The following HVCN1 variants were observed in gnomAD, a reference collection of about 807,000 sequenced individuals.
HVCN1 encodes the protein voltage-gated hydrogen channel 1.
In HVCN1, 14 loss-of-function variants were observed where a neutral mutation model predicts 29.2. The ratio of observed to expected loss-of-function variants is 0.48; its 90% confidence interval spans 0.32 to 0.75. The LOEUF (loss-of-function observed/expected upper bound fraction) is 0.75, where lower values mean the gene tolerates loss of function less well. Among genes scored for constraint, HVCN1 ranks in the 30% least tolerant of loss-of-function variants. The pLI is 0.04. For synonymous variants in HVCN1, 131 were observed against 133.2 expected, an observed-to-expected ratio of 0.98 and a Z score of 0.11; for missense variants, 263 against 341.8, an observed-to-expected ratio of 0.77 and a Z score of 1.82.
chr12:110,665,261 T>A (rs906283477), intron 3 of HVCN1, among the ~76,000 whole-genome samples: 2 of 152,130 alleles, frequency 1.3e-5, no homozygotes, highest in African/African-American at 4.8e-5. Flanking sequence ...AATCAGCTAA[T>A]AGAAGATTCA....
At position 110,684,846 on chromosome 12, in the gene HVCN1, C is replaced by T. The variant is rs141125339; in HGVS notation, c.-19-1582G>A. 6.6e-5 allele frequency among the ~76,000 whole-genome samples: 10 copies of T among 152,294 alleles called. No homozygotes were observed. The East Asian group carries it at 9.6e-4, about 15-fold the overall frequency. Reference sequence around the variant, plus strand: ...ACCCATTATCCTTCCCAGAAGTGGTCGCTCTGACCCTCTGACCAGTTTCCT... The same window carrying T: ...ACCCATTATCCTTCCCAGAAGTGGTTGCTCTGACCCTCTGACCAGTTTCCT... On this transcript the variant is annotated intron_variant, in intron 2 of 7. Transcript: ENST00000242607.
chr12:110,667,336 G>A (rs2068406031), intron 3 of HVCN1, among the ~76,000 whole-genome samples: 1 of 152,174 alleles, frequency 6.6e-6, no homozygotes, highest in Non-Finnish European at 1.5e-5. Context: ...GTTTCACCAT[G>A]TTGGCCAAGC....
In HVCN1 at chr12:110,678,439, C is replaced by CTTTT. The variant is rs538999674; in HGVS notation, c.21+4782_21+4785dup. 6.7e-4 allele frequency among the ~76,000 whole-genome samples: 44 copies of CTTTT among 65,824 alleles called. 1 individual carries two copies. The highest frequency in any genetic ancestry group is 9.9e-4 in the Non-Finnish European group (34 of 34,472). 43.2% of individuals were successfully genotyped at this position (65,824 alleles called of 152,430 possible). A position where few individuals can be genotyped will look rare whatever the true frequency, so the allele number is the denominator to read the frequency against. On this transcript the variant is annotated intron_variant, in intron 3 of 7. Transcript: ENST00000242607. ...TCTTATTTTCCATTTCATTCTATTT[C>CTTTT]TTTTTTTTTTTTTTTTTTTTTTTTT...
rs932986604 is a variant in HVCN1, at chr12:110,685,038, C to A, written c.-19-1774G>T. On this transcript the variant is annotated intron_variant, in intron 2 of 7. Transcript: ENST00000242607. ...AAAATAATGCTCCCCTTCAAAGATG[C>A]ACATACCCTAATCCTTGAACTTGTA... 2.6e-5 allele frequency among the ~76,000 whole-genome samples: 4 copies of A among 152,206 alleles called. No individual in the cohort carries two copies. The East Asian group carries it at 7.7e-4, about 29-fold the overall frequency.
intron 2 of HVCN1, among the ~76,000 whole-genome samples, chr12:110,696,335 G>A (rs1327489254): frequency 2.6e-5 from 4 of 152,136 alleles, no homozygotes; most frequent in Non-Finnish European, 4.4e-5. Context: ...TCAAGCATAC[G>A]GCTGGTGGCA....
chr12:110,683,015 G>T, intron 3 of HVCN1: 2 of 617,704 alleles, frequency 3.2e-6, no homozygotes, highest in South Asian at 1.9e-5. Context: ...ATACAGGGCT[G>T]GGATTCAAAT....
chr12:110,683,598 C>T lies in HVCN1; in HGVS notation c.-19-334G>A, dbSNP rs114757643. Among the ~76,000 whole-genome samples the T allele has an allele frequency of 7.0e-3, 1,067 of 152,160 alleles. 14 individuals are homozygous for T. The highest frequency in any genetic ancestry group is 0.024 in the African/African-American group (1,012 of 41,520). Reference sequence around the variant, plus strand: ...AAATGGGTCTGTCCACACAATGGAACGTTATTTGGCCATAAAAAGAAATGA... The same window carrying T: ...AAATGGGTCTGTCCACACAATGGAATGTTATTTGGCCATAAAAAGAAATGA... On this transcript the variant is annotated intron_variant, in intron 2 of 7. Transcript: ENST00000242607.
Position 110,658,372 on chromosome 12 carries a change from C to G in HVCN1, c.306+2792G>C, listed in dbSNP as rs1162768912. Among the ~76,000 whole-genome samples, 7 of 152,146 alleles carry G rather than the reference C, an allele frequency of 4.6e-5. No individual in the cohort carries two copies. The highest frequency in any genetic ancestry group is 1.4e-4 in the African/African-American group (6 of 41,420). ...TCACTGCTGCCACCAAGTCCCTCCA[C>G]AAATCTGATCTCCCACCCACACACT... is the stretch of plus-strand genomic sequence containing the variant. On this transcript the variant is annotated intron_variant, in intron 4 of 7. Transcript: ENST00000242607. The surrounding 1 kb of genome is among the most constrained non-coding windows in gnomAD (Gnocchi z 5.0).
chr12:110,699,978 A>T (rs2069547205), intron 2 of HVCN1, among the ~76,000 whole-genome samples: 1 of 152,162 alleles, frequency 6.6e-6, no homozygotes, highest in African/African-American at 2.4e-5. Context: ...CTGGTCCAAG[A>T]GGGCAGCATC....
chr12:110,657,768 G>A (rs2068038550), intron 4 of HVCN1, among the ~76,000 whole-genome samples: 1 of 152,130 alleles, frequency 6.6e-6, no homozygotes, highest in Non-Finnish European at 1.5e-5. Context: ...AGTTCACAGG[G>A]AGTGTTGCTT....
intron 3 of HVCN1, among the ~76,000 whole-genome samples, chr12:110,672,500 C>T (rs1018805672): frequency 2.6e-5 from 4 of 152,086 alleles, no homozygotes; most frequent in South Asian, 4.1e-4. Context: ...CCTCAATCTA[C>T]GATTATGGGA....
At chr12:110,678,671 C>T (rs1011090342) in intron 3 of HVCN1, among the ~76,000 whole-genome samples, 4 of 152,000 alleles carry the variant, frequency 2.6e-5, no homozygotes, top group African/African-American at 9.7e-5. Flanking sequence ...AGGCTGGTCT[C>T]AAACTCCTGA....
chr12:110,687,260 C>CG (rs1315001098), intron 2 of HVCN1, among the ~76,000 whole-genome samples: 2 of 125,092 alleles, frequency 1.6e-5, no homozygotes, highest in African/African-American at 3.0e-5. Flanking sequence ...AGACCACACC[C>CG]CCCCCCCCCA....
intron 6 of HVCN1, 148 bp from the exon 7 acceptor site, chr12:110,650,428 G>T: frequency 3.4e-6 from 2 of 583,722 alleles, no homozygotes; most frequent in Non-Finnish European, 3.1e-6. Context: ...GAACTGGGAG[G>T]TCAGGGTTTT....
At chr12:110,679,619 C>T (rs943490815) in intron 3 of HVCN1, among the ~76,000 whole-genome samples, 17 of 151,986 alleles carry the variant, frequency 1.1e-4, no homozygotes, top group Admixed American at 2.6e-4. Context: ...TTTGGGAGGC[C>T]GAGGCGGGTG....
At chr12:110,654,092 GA>G (rs2067905753) in intron 5 of HVCN1, among the ~76,000 whole-genome samples, 1 of 151,832 alleles carries the variant, frequency 6.6e-6, no homozygotes, top group African/African-American at 2.4e-5. Context: ...AAAGTTGAGA[GA>G]AAAAAAGACA....
At position 110,676,876 on chromosome 12, in the gene HVCN1, CT is replaced by C; in HGVS notation, c.21+6348del. ...AGGTCCTCCTAGTGAGTCACTGACA[CT>C]GGGCATAGGGTCTCGGGAACCCTGA... On this transcript the variant is annotated intron_variant, in intron 3 of 7. Transcript: ENST00000242607. The surrounding 1 kb of genome is among the most constrained non-coding windows in gnomAD (Gnocchi z 4.1). Among the ~76,000 whole-genome samples the C allele has an allele frequency of 6.6e-6, 1 of 152,200 alleles. No homozygotes were observed. The highest frequency in any genetic ancestry group is 2.4e-5 in the African/African-American group (1 of 41,542).
intron 3 of HVCN1, among the ~76,000 whole-genome samples, chr12:110,667,520 C>A (rs992835594): frequency 3.3e-5 from 5 of 152,194 alleles, no homozygotes; most frequent in Admixed American, 3.3e-4. Context: ...GCCTTGACCT[C>A]CCGGGATCAA....
At chr12:110,686,410 C>T (rs913964098) in intron 2 of HVCN1, among the ~76,000 whole-genome samples, 3 of 152,174 alleles carry the variant, frequency 2.0e-5, no homozygotes, top group East Asian at 3.8e-4. Flanking sequence ...TAGACTTTCT[C>T]GCTGGTTGAC....
Sources: gnomAD v4.1 joint callset for allele counts (sites outside exome capture counted in the v4.1 genomes callset) on GRCh38, gnomAD v4.1.1 for gene constraint, Gnocchi (gnomAD v3.1) non-coding constraint, MANE v1.5 for transcripts, NCBI Gene and HGNC (gene_info 2026-07-23, HGNC 2026-07-21) for gene names.